Variants in SMURF2 observed in about 807,000 individuals in gnomAD.
The protein encoded by SMURF2 is SMAD specific E3 ubiquitin protein ligase 2.
A neutral mutation model predicts 109.6 loss-of-function variants in SMURF2; 48 were observed. That is an observed-to-expected ratio of 0.44 (90% confidence interval 0.35 to 0.56). The LOEUF (loss-of-function observed/expected upper bound fraction) is 0.56, where lower values mean the gene tolerates loss of function less well. Ranked by LOEUF, SMURF2 falls within the 20% of genes least tolerant of loss-of-function variation. The probability of loss-of-function intolerance (pLI) is 0.01; values close to 1 mark genes in which losing one functional copy is unlikely to be tolerated. For missense variants in SMURF2, 575 were observed against 909.0 expected (o/e 0.63, Z 4.72); for synonymous variants, 288 against 317.1 (o/e 0.91, Z 0.97).
intron 1 of SMURF2, among the ~76,000 whole-genome samples, chr17:64,611,577 T>C (rs563440136): frequency 3.6e-4 from 55 of 152,246 alleles, no homozygotes; most frequent in African/African-American, 1.3e-3. Context: ...TCCTGACAAT[T>C]ACAATTCTCA....
chr17:64,594,269 T>C (rs1414767770), intron 3 of SMURF2, among the ~76,000 whole-genome samples: 2 of 152,184 alleles, frequency 1.3e-5, no homozygotes, highest in African/African-American at 2.4e-5. Context: ...TCAATGACAA[T>C]AAGAGGTCAA....
In SMURF2 at chr17:64,551,716, C is replaced by G; in HGVS notation, c.1749-12G>C. 1 of 1,613,014 alleles carries G rather than the reference C, an allele frequency of 6.2e-7. No individual in the cohort carries two copies. Among genetic ancestry groups the G allele is most frequent in the Non-Finnish European group, 8.5e-7 (1 of 1,179,514 alleles). On this transcript the variant is annotated splice_polypyrimidine_tract_variant and intron_variant, in intron 15 of 18. Transcript: ENST00000262435. ...AGTTCACATAGAGCCTGTAAACATT[C>G]GGCAGGATTTCGTATAATCACATGT...
At chr17:64,641,347 A>T (rs1403158226) in intron 1 of SMURF2, among the ~76,000 whole-genome samples, 1 of 151,972 alleles carries the variant, frequency 6.6e-6, no homozygotes, top group Non-Finnish European at 1.5e-5. Flanking sequence ...AAATAGTCCA[A>T]CCCCCCAAAA....
intron 1 of SMURF2, among the ~76,000 whole-genome samples, chr17:64,621,147 A>G (rs1160707397): frequency 6.6e-6 from 1 of 152,230 alleles, no homozygotes; most frequent in African/African-American, 2.4e-5. Flanking sequence ...GCATTCTTCC[A>G]GACTCTGAAA....
chr17:64,620,382 G>T lies in SMURF2; in HGVS notation c.53-13742C>A, dbSNP rs910081408. ...CACCTAGGAAAAGAGTTTAGGCATT[G>T]TGAATTCAGGCTCCATCCTATTTTT... On this transcript the variant is annotated intron_variant, in intron 1 of 18. Transcript: ENST00000262435. 2.0e-5 allele frequency among the ~76,000 whole-genome samples: 3 copies of T among 152,212 alleles called. No homozygotes were observed. In the East Asian group the frequency reaches 5.8e-4, roughly 29 times the overall value.
At chr17:64,619,908 GTTAA>G (rs1568197988) in intron 1 of SMURF2, among the ~76,000 whole-genome samples, 1 of 152,244 alleles carries the variant, frequency 6.6e-6, no homozygotes, top group East Asian at 1.9e-4. Context: ...AGTAAATGCT[GTTAA>G]TTGAGTCCCA....
At chr17:64,567,891 A>G (rs1483226613) in intron 10 of SMURF2, among the ~76,000 whole-genome samples, 2 of 125,354 alleles carry the variant, frequency 1.6e-5, no homozygotes, top group African/African-American at 3.2e-5. Context: ...GTTTCGCTCT[A>G]TTGCCAGGCT....
At chr17:64,558,118 G>A (rs1365919583) in intron 12 of SMURF2, among the ~76,000 whole-genome samples, 1 of 152,178 alleles carries the variant, frequency 6.6e-6, no homozygotes, top group Non-Finnish European at 1.5e-5. Flanking sequence ...GTCCATGTGA[G>A]GCTGGGGACG....
rs1018686711 is a variant in SMURF2, at chr17:64,630,224, A to C, written c.53-23584T>G. ...GTACTCCAGCCTGGGCAACAGAGCA[A>C]GACTCCGTCTCAGAAAGAAAAAAAA... On this transcript the variant is annotated intron_variant, in intron 1 of 18. Transcript: ENST00000262435. Among the ~76,000 whole-genome samples, 9 of 152,132 alleles carry C rather than the reference A, an allele frequency of 5.9e-5. No individual in the cohort carries two copies. The South Asian group carries it at 8.3e-4, about 14-fold the overall frequency.
At chr17:64,607,832 G>A (rs1295269355) in intron 1 of SMURF2, among the ~76,000 whole-genome samples, 1 of 151,018 alleles carries the variant, frequency 6.6e-6, no homozygotes, top group Non-Finnish European at 1.5e-5. Flanking sequence ...TTAGCTGGGT[G>A]TAGTGGCGCA....
At chr17:64,570,778 T>C (rs920961960) in intron 10 of SMURF2, among the ~76,000 whole-genome samples, 12 of 151,890 alleles carry the variant, frequency 7.9e-5, no homozygotes, top group Non-Finnish European at 1.6e-4. Context: ...ACTTGGGGTG[T>C]TTTTGTTTGT....
chr17:64,622,899 G>C (rs1555690805), intron 1 of SMURF2, among the ~76,000 whole-genome samples: 1 of 152,160 alleles, frequency 6.6e-6, no homozygotes, highest in Admixed American at 6.6e-5. Context: ...CTGCATGGGA[G>C]ATTTGTCTAT....
intron 2 of SMURF2, among the ~76,000 whole-genome samples, chr17:64,605,439 T>C (rs1356691724): frequency 2.0e-5 from 3 of 151,914 alleles, no homozygotes; most frequent in Non-Finnish European, 4.4e-5. Flanking sequence ...TTAAATTATA[T>C]TGGCCGGGCA....
At position 64,561,536 on chromosome 17, in the gene SMURF2, C is replaced by T. The variant is rs548461235; in HGVS notation, c.1280G>A (p.Arg427His). Residue 427 changes from arginine (R) to histidine (H), a missense_variant, in exon 12 of 19, where the codon CGT becomes CAT. Physicochemically the swap from Arg to His is conservative, Grantham distance 29 (BLOSUM62 0). This residue lies in a region of SMURF2 where 361 missense variants were observed against 612.1 expected (regional missense o/e 0.59). Transcript: ENST00000262435. ...TCCATAGTCAAGGCCTTCTTCTCCA[C>T]GAAATTTTATCATTAATCGCTTCCA... ...DLWKRLMIKF[R>H]GEEGLDYGGV... The T allele has an allele frequency of 2.2e-5, 35 of 1,613,956 alleles. No individual in the cohort carries two copies. The highest frequency in any genetic ancestry group is 4.0e-5 in the African/African-American group (3 of 75,014).
At position 64,578,488 on chromosome 17, in the gene SMURF2, T is replaced by C; in HGVS notation, c.857+4A>G. 3.7e-6 allele frequency: 6 copies of C among 1,603,616 alleles called. No homozygotes were observed. The highest frequency in any genetic ancestry group is 5.1e-6 in the Non-Finnish European group (6 of 1,170,670). On this transcript the variant is annotated splice_donor_region_variant and intron_variant, in intron 9 of 18. Coordinates refer to ENST00000262435, the MANE Select transcript of SMURF2 (RefSeq NM_022739.4). ...TCTAAAGAGTGCTTAAAATACGTTC[T>C]TACCTGGGCACTCTTGGATCATGCC... is the stretch of plus-strand genomic sequence containing the variant.
intron 2 of SMURF2, among the ~76,000 whole-genome samples, chr17:64,600,554 T>C (rs1969880245): frequency 6.6e-6 from 1 of 152,196 alleles, no homozygotes. Flanking sequence ...AATTCTATGA[T>C]TCTGTGATCT....
intron 5 of SMURF2, among the ~76,000 whole-genome samples, chr17:64,590,467 A>G (rs1969736168): frequency 6.6e-6 from 1 of 152,046 alleles, no homozygotes; most frequent in South Asian, 2.1e-4. Flanking sequence ...TAATTTAAGA[A>G]GCCTCTAAGA....
At chr17:64,548,771 G>A (rs1225136231) in intron 16 of SMURF2, among the ~76,000 whole-genome samples, 2 of 152,164 alleles carry the variant, frequency 1.3e-5, no homozygotes, top group African/African-American at 2.4e-5. Context: ...AACACATCCT[G>A]ATGGAGGGTC....
intron 7 of SMURF2, among the ~76,000 whole-genome samples, 167 bp downstream of exon 7, chr17:64,583,294 T>C (rs1292736733): frequency 2.0e-5 from 3 of 152,108 alleles, no homozygotes; most frequent in African/African-American, 7.2e-5. Flanking sequence ...TCAAACAAAC[T>C]GTTGAAGATC....
Sources: allele counts gnomAD v4.1 joint callset (sites outside exome capture counted in the v4.1 genomes callset), GRCh38; gene constraint gnomAD v4.1.1; regional missense constraint gnomAD v4.1.1; transcripts MANE v1.5; gene names NCBI Gene and HGNC (gene_info 2026-07-23, HGNC 2026-07-21).